HS3ST5: variants seen among roughly 807,000 people sequenced by gnomAD.
The protein encoded by HS3ST5 is heparan sulfate glucosamine 3-O-sulfotransferase 5.
HS3ST5 carries 10 observed loss-of-function variants against 25.4 expected under a neutral mutation model. The ratio of observed to expected loss-of-function variants is 0.39; its 90% CI spans 0.24 to 0.67. HS3ST5 has a LOEUF of 0.67. HS3ST5 is among the 30% of genes least tolerant of loss of function. The pLI is 0.44. For synonymous variants in HS3ST5, 170 were observed against 162.4 expected (o/e 1.05, Z -0.36); for missense variants, 324 against 420.7 (o/e 0.77, Z 2.01).
intron 2 of HS3ST5, among the ~76,000 whole-genome samples, chr6:114,169,995 A>G (rs1185530405): frequency 6.6e-6 from 1 of 152,194 alleles, no homozygotes; most frequent in Non-Finnish European, 1.5e-5. Context: ...CAGATAAGGG[A>G]AAAACACACA....
chr6:114,078,357 C>G (rs924008694), intron 3 of HS3ST5, among the ~76,000 whole-genome samples: 2 of 152,082 alleles, frequency 1.3e-5, no homozygotes, highest in Admixed American at 1.3e-4. Context: ...CAGGCATGCA[C>G]CACCAAGCCC....
At chr6:114,117,560 A>G (rs1776591103) in intron 3 of HS3ST5, among the ~76,000 whole-genome samples, 1 of 152,182 alleles carries the variant, frequency 6.6e-6, no homozygotes, top group South Asian at 2.1e-4. Context: ...CTAAACAAGT[A>G]TGCTATTACT....
chr6:114,092,766 C>T (rs1356241158), intron 3 of HS3ST5, among the ~76,000 whole-genome samples: 1 of 150,744 alleles, frequency 6.6e-6, no homozygotes, highest in Non-Finnish European at 1.5e-5. Context: ...ACCTCTGCCT[C>T]CTGGGGTTCA....
chr6:114,057,136 T>A lies in HS3ST5; in HGVS notation c.*121A>T. The A allele has an allele frequency of 1.4e-6, 1 of 719,674 alleles. No homozygotes were observed. Among genetic ancestry groups the A allele is most frequent in the Non-Finnish European group, 2.3e-6 (1 of 428,642 alleles). The allele number at this position is 719,674 out of a possible 1,614,324, so 44.6% of individuals were successfully genotyped here. On this transcript the variant is annotated 3_prime_UTR_variant, in exon 5 of 5. Transcript: ENST00000312719. ...CTTATATTTGGTCACACACTGCGTA[T>A]GTACAAATATACATGGAAAAATGAC...
intron 3 of HS3ST5, among the ~76,000 whole-genome samples, chr6:114,114,505 C>T (rs1776420382): frequency 6.6e-6 from 1 of 152,084 alleles, no homozygotes; most frequent in East Asian, 1.9e-4. Flanking sequence ...TCTCTTACAG[C>T]ATGATTTGCA....
chr6:114,069,527 T>G (rs937763753), intron 3 of HS3ST5, among the ~76,000 whole-genome samples: 3 of 150,630 alleles, frequency 2.0e-5, no homozygotes, highest in Non-Finnish European at 3.0e-5. Flanking sequence ...TTTTTTTTTT[T>G]TTTTTTTTTT....
At chr6:114,237,626 C>T (rs143078135) in intron 1 of HS3ST5, among the ~76,000 whole-genome samples, 360 of 152,254 alleles carry the variant, frequency 2.4e-3, no homozygotes, top group Admixed American at 3.3e-3. Flanking sequence ...TAATATGGAA[C>T]CTGAGCTGAG....
intron 3 of HS3ST5, among the ~76,000 whole-genome samples, chr6:114,162,129 A>G (rs1420555449): frequency 1.3e-5 from 2 of 152,116 alleles, no homozygotes; most frequent in Admixed American, 6.6e-5. Flanking sequence ...AATTTTTATA[A>G]TAGAATTTAT....
At position 114,058,050 on chromosome 6, in the gene HS3ST5, A is replaced by T; in HGVS notation, c.248T>A (p.Leu83His). ...GGGGAGCTGCTGGACCAGGTCATGGAGGCGAACCTGCTCCTTGGAAGCGTT... is the reference window on the plus strand; with the variant it reads ...GGGGAGCTGCTGGACCAGGTCATGGTGGCGAACCTGCTCCTTGGAAGCGTT... Reference protein sequence around the residue: ...KGNASKEQVRLHDLVQQLPKA... With the variant: ...KGNASKEQVRHHDLVQQLPKA... The change falls in exon 5 of 5, where the codon CTC becomes CAC. Residue 83 changes from leucine (L) to histidine (H), a missense_variant. Transcript: ENST00000312719. 1 of 1,614,150 alleles carries T rather than the reference A, an allele frequency of 6.2e-7. No homozygotes were observed. The highest frequency in any genetic ancestry group is 1.1e-5 in the South Asian group (1 of 91,078).
rs185162638 is a variant in HS3ST5 at position 114,222,322 on chromosome 6, T to G, written c.-145+6263A>C. On this transcript the variant is annotated intron_variant, in intron 2 of 4. Transcript: ENST00000312719. ...TCAACAAGGCCATGAAAATAGAGCT[T>G]GTCGTCTGCTTCATTCAATGATGTA... 7.9e-5 allele frequency among the ~76,000 whole-genome samples: 12 copies of G among 152,042 alleles called. No individual in the cohort carries two copies. In the East Asian group the frequency reaches 2.1e-3, roughly 27 times the overall value.
intron 1 of HS3ST5, among the ~76,000 whole-genome samples, chr6:114,332,514 A>AAAAAGT (rs1350532151): frequency 2.0e-5 from 3 of 152,178 alleles, no homozygotes; most frequent in Admixed American, 6.5e-5. Flanking sequence ...GAAAGGCATA[A>AAAAAGT]AAAAGTCAGA....
intron 3 of HS3ST5, among the ~76,000 whole-genome samples, chr6:114,116,877 T>A (rs1300491332): frequency 6.6e-6 from 1 of 152,176 alleles, no homozygotes; most frequent in Non-Finnish European, 1.5e-5. Context: ...TAATAATCTG[T>A]TTACTTATTT....
intron 1 of HS3ST5, among the ~76,000 whole-genome samples, chr6:114,316,030 A>G (rs1011635970): frequency 1.3e-5 from 2 of 152,186 alleles, no homozygotes; most frequent in African/African-American, 4.8e-5. Context: ...CAAGCTGCCA[A>G]GGCTTTGAAA....
At chr6:114,314,581 G>A (rs529779635) in intron 1 of HS3ST5, among the ~76,000 whole-genome samples, 1 of 152,150 alleles carries the variant, frequency 6.6e-6, no homozygotes, top group Non-Finnish European at 1.5e-5. Context: ...GAAGTTCATA[G>A]AAAGAGCTGG....
rs140859043 is a variant in HS3ST5, at chr6:114,297,483, G to C, written c.-339+44712C>G. On this transcript the variant is annotated intron_variant, in intron 1 of 4. Transcript: ENST00000312719. The stretch of plus-strand genomic sequence containing the variant: ...CTGCAAAGGAGCAAAGGGAAAGCAG[G>C]CTTCATGGGGAAAAGCATCTTTCCA... Among the ~76,000 whole-genome samples, 130 of 152,256 alleles carry C rather than the reference G, an allele frequency of 8.5e-4. 1 individual carries two copies. The highest frequency in any genetic ancestry group is 3.0e-3 in the African/African-American group (125 of 41,548).
At chr6:114,213,928 T>A (rs1447213062) in intron 2 of HS3ST5, among the ~76,000 whole-genome samples, 1 of 152,226 alleles carries the variant, frequency 6.6e-6, no homozygotes, top group Non-Finnish European at 1.5e-5. Context: ...TCTTAAGTTC[T>A]TCCTCAAGGC....
At chr6:114,195,163 G>T (rs1015071321) in intron 2 of HS3ST5, among the ~76,000 whole-genome samples, 2 of 152,200 alleles carry the variant, frequency 1.3e-5, no homozygotes, top group Admixed American at 1.3e-4. Flanking sequence ...TTTGGATGAT[G>T]TCAGCAGATT....
chr6:114,095,260 A>G (rs961663120), intron 3 of HS3ST5, among the ~76,000 whole-genome samples: 1 of 152,216 alleles, frequency 6.6e-6, no homozygotes, highest in African/African-American at 2.4e-5. Flanking sequence ...GCAATGACAG[A>G]GACCCTGGAG....
chr6:114,103,136 CCTT>C (rs1216474133), intron 3 of HS3ST5, among the ~76,000 whole-genome samples: 1 of 152,146 alleles, frequency 6.6e-6, no homozygotes, highest in Non-Finnish European at 1.5e-5. Context: ...CATTTTAAGG[CCTT>C]CTTCTTCCCT....
Sources: allele counts gnomAD v4.1 joint callset (sites outside exome capture counted in the v4.1 genomes callset), GRCh38; gene constraint gnomAD v4.1.1; transcripts MANE v1.5; gene names NCBI Gene and HGNC (gene_info 2026-07-23, HGNC 2026-07-21).